TENT5D: variants seen among roughly 807,000 people sequenced by gnomAD.
TENT5D encodes the protein cancer/testis antigen 112.
For missense variants in TENT5D, 191 were observed against 287.0 expected, an observed-to-expected ratio of 0.67 and a Z score of 2.42; for synonymous variants, 103 against 100.6, an observed-to-expected ratio of 1.02 and a Z score of -0.15.
chrX:80,383,834 C>A (rs192674121), intron 3 of TENT5D, among the ~76,000 whole-genome samples: 26 of 109,856 alleles, frequency 2.4e-4, no homozygotes, highest in African/African-American at 8.3e-4. Context: ...CTAGCCTGGG[C>A]GACAGAGCGA....
upstream of TENT5D, among the ~76,000 whole-genome samples, chrX:80,417,557 C>T (rs758753780): frequency 5.2e-4 from 56 of 108,509 alleles, no homozygotes; most frequent in Non-Finnish European, 9.9e-4. Context: ...ATTTTTCCTT[C>T]GCTTATGAAG....
intron 3 of TENT5D, among the ~76,000 whole-genome samples, chrX:80,385,996 A>G (rs1202208096): frequency 1.8e-5 from 2 of 112,294 alleles, no homozygotes; most frequent in Non-Finnish European, 3.8e-5. Context: ...TAGTTCAACC[A>G]TTGTGGAAGT....
intron 1 of TENT5D, among the ~76,000 whole-genome samples, chrX:80,436,847 A>G (rs1034183071): frequency 8.9e-6 from 1 of 111,896 alleles, no homozygotes; most frequent in Non-Finnish European, 1.9e-5. Flanking sequence ...AGCTTTCTCT[A>G]TAATTAGGCA....
At chrX:80,348,871 G>C (rs1044687553) in intron 3 of TENT5D, among the ~76,000 whole-genome samples, 1 of 111,820 alleles carries the variant, frequency 8.9e-6, no homozygotes, top group African/African-American at 3.3e-5. Flanking sequence ...TAACATGAAG[G>C]GGTGTTGAAT....
intron 1 of TENT5D, among the ~76,000 whole-genome samples, chrX:80,424,089 T>A (rs1931941168): frequency 2.7e-5 from 3 of 111,191 alleles, no homozygotes; most frequent in Middle Eastern, 4.2e-3. Flanking sequence ...GTTGATTTTT[T>A]TTTTTTAGCT....
intron 3 of TENT5D, among the ~76,000 whole-genome samples, chrX:80,385,402 A>G (rs921725355): frequency 1.8e-5 from 2 of 111,604 alleles, no homozygotes; most frequent in African/African-American, 6.5e-5. Context: ...CCTTCCTTAC[A>G]CCTTATACAA....
chrX:80,335,856 A>G (rs1258637227), intron 2 of TENT5D: 1 of 111,660 alleles, frequency 9.0e-6, no homozygotes, highest in Non-Finnish European at 1.9e-5. Flanking sequence ...GTTGTAGGCT[A>G]GACTTAATAG....
At chrX:80,386,774 G>A (rs1391503767) in intron 3 of TENT5D, among the ~76,000 whole-genome samples, 1 of 110,612 alleles carries the variant, frequency 9.0e-6, no homozygotes, top group African/African-American at 3.3e-5. Flanking sequence ...TTAGGTGTTT[G>A]GTTCATATGA....
intron 3 of TENT5D, among the ~76,000 whole-genome samples, chrX:80,406,012 T>A (rs1330156962): frequency 9.3e-6 from 1 of 107,663 alleles, no homozygotes; most frequent in African/African-American, 3.4e-5. Flanking sequence ...CACGGCAGGG[T>A]ATTCCAACAG....
chrX:80,443,369 A>G (rs1465389705), exon 3 of TENT5D: 1 of 1,209,564 alleles, frequency 8.3e-7, no homozygotes, highest in Non-Finnish European at 1.1e-6. Context: ...GAAGAACAGC[A>G]AAAGAAAATT....
intron 2 of TENT5D, among the ~76,000 whole-genome samples, chrX:80,439,907 T>C (rs1460955571): frequency 9.0e-6 from 1 of 110,796 alleles, no homozygotes; most frequent in Admixed American, 9.7e-5. Flanking sequence ...GTTAGTGACA[T>C]GGTAACTCAG....
chrX:80,428,695 C>T (rs751674266), intron 1 of TENT5D, among the ~76,000 whole-genome samples: 23 of 111,879 alleles, frequency 2.1e-4, no homozygotes, highest in African/African-American at 6.8e-4. Flanking sequence ...TACCCAGGTA[C>T]CCACAGTCTG....
At chrX:80,391,193 A>T (rs1931118867) in intron 3 of TENT5D, among the ~76,000 whole-genome samples, 1 of 111,901 alleles carries the variant, frequency 8.9e-6, no homozygotes, top group Non-Finnish European at 1.9e-5. Flanking sequence ...CCTACACAGG[A>T]CATTCAGTGT....
intron 3 of TENT5D, among the ~76,000 whole-genome samples, chrX:80,350,227 G>T (rs1930149390): frequency 9.0e-6 from 1 of 111,044 alleles, no homozygotes; most frequent in African/African-American, 3.3e-5. Flanking sequence ...TTGTTGATCT[G>T]CCTAATATTG....
At chrX:80,410,122 C>A (rs1931614226) in intron 3 of TENT5D, among the ~76,000 whole-genome samples, 1 of 104,547 alleles carries the variant, frequency 9.6e-6, no homozygotes, top group African/African-American at 3.5e-5. Flanking sequence ...AAACGTTAGA[C>A]CTAAAACCAT....
At chrX:80,428,772 C>G (rs1036946879) in intron 1 of TENT5D, among the ~76,000 whole-genome samples, 21 of 112,097 alleles carry the variant, frequency 1.9e-4, no homozygotes, top group Admixed American at 4.7e-4. Context: ...CTTTTCTCAC[C>G]TGGTGCTCTC....
At chrX:80,373,717 T>G (rs770052024) in intron 3 of TENT5D, among the ~76,000 whole-genome samples, 1 of 111,857 alleles carries the variant, frequency 8.9e-6, no homozygotes. Flanking sequence ...TCTAAAGCTA[T>G]AATGCTTGGC....
intron 3 of TENT5D, among the ~76,000 whole-genome samples, chrX:80,354,400 T>A (rs1046435336): frequency 5.4e-5 from 6 of 111,902 alleles, no homozygotes; most frequent in African/African-American, 1.6e-4. Context: ...TCCTACTTTT[T>A]AAAATTTTTA....
At chrX:80,434,298 C>G (rs1475073129) in intron 1 of TENT5D, among the ~76,000 whole-genome samples, 1 of 109,742 alleles carries the variant, frequency 9.1e-6, no homozygotes, top group Admixed American at 9.7e-5. Context: ...GAAACTAAAA[C>G]CTTTAACACT....
Sources: gnomAD v4.1 joint callset for allele counts (sites outside exome capture counted in the v4.1 genomes callset) on GRCh38, gnomAD v4.1.1 for gene constraint, MANE v1.5 for transcripts, NCBI Gene and HGNC (gene_info 2026-07-23, HGNC 2026-07-21) for gene names.